Variants in CELSR1 observed in about 807,000 individuals in gnomAD.
CELSR1 encodes cadherin EGF LAG seven-pass G-type receptor 1, also known as adhesion G protein-coupled receptor C1.
In CELSR1, 110 loss-of-function variants were observed where a neutral mutation model predicts 249.1. The ratio of observed to expected loss-of-function variants is 0.44; its 90% CI spans 0.38 to 0.52. The LOEUF (loss-of-function observed/expected upper bound fraction) is 0.52, where lower values mean the gene tolerates loss of function less well. Among genes scored for constraint, CELSR1 ranks in the 20% least tolerant of loss-of-function variants. The pLI is 0.00. For missense variants in CELSR1, 4,109 were observed against 4,296.4 expected (o/e 0.96, Z 1.22); for synonymous variants, 2,113 against 1,900.0 (o/e 1.11, Z -2.92).
chr22:46,409,167 G>A lies in CELSR1; in HGVS notation c.5060-5C>T, dbSNP rs983851779. On this transcript the variant is annotated splice_region_variant and splice_polypyrimidine_tract_variant and intron_variant, in intron 8 of 34. Transcript: ENST00000674500. The surrounding 1 kb of genome is among the most constrained non-coding windows in gnomAD (Gnocchi z 9.8). The stretch of plus-strand genomic sequence containing the variant: ...AGAGCTGGGGGTGAGGCATGGCTGC[G>A]GACACAGGCCCAGGGACCTCAGGTG... 1.4e-5 allele frequency: 22 copies of A among 1,611,866 alleles called. No individual in the cohort carries two copies. Among genetic ancestry groups the A allele is most frequent in the African/African-American group, 6.7e-5 (5 of 74,822 alleles).
At position 46,537,167 on chromosome 22, in the gene CELSR1, C is replaced by A; in HGVS notation, c.4G>T (p.Ala2Ser). Reference sequence around the variant, plus strand: ...GGCAGCACGGGCGGCGGCGGCGGCGCCATGGCCCGGAGCCCGAGCCCGAGC... The same window carrying A: ...GGCAGCACGGGCGGCGGCGGCGGCGACATGGCCCGGAGCCCGAGCCCGAGC... M[A>S]PPPPPVLPVL... Residue 2 changes from alanine to serine, a missense_variant, in exon 1 of 35, where the codon GCG becomes TCG. Around this residue, in one of 7 missense-constraint regions of CELSR1, gnomAD observed 673 missense variants for 636.8 expected, o/e 1.06. Transcript: ENST00000674500. The surrounding 1 kb of genome is among the most constrained non-coding windows in gnomAD (Gnocchi z 5.8). 9.8e-7 allele frequency: 1 copy of A among 1,020,216 alleles called. No homozygotes were observed. The highest frequency in any genetic ancestry group is 1.8e-5 in the African/African-American group (1 of 57,138). 63.2% of individuals were successfully genotyped at this position (1,020,216 alleles called of 1,614,324 possible). A position where few individuals can be genotyped will look rare whatever the true frequency, so the allele number is the denominator to read the frequency against.
chr22:46,481,468 T>A (rs2080265669), intron 1 of CELSR1: 2 of 1,576,548 alleles, frequency 1.3e-6, no homozygotes, highest in Non-Finnish European at 1.7e-6. Context: ...ATCTATTGAA[T>A]CTTTGGCTTT....
At position 46,428,996 on chromosome 22, in the gene CELSR1, G is replaced by T. The variant is rs2079565214; in HGVS notation, c.4611+4397C>A. On this transcript the variant is annotated intron_variant, in intron 5 of 34. Coordinates refer to ENST00000674500, the MANE Select transcript of CELSR1 (RefSeq NM_001378328.1). This position sits in a 1 kb window ranked among gnomAD's most constrained non-coding sequence, Gnocchi z 5.7. ...CAGGGCCCCGTTAAACATCTTGCTG[G>T]CACGTCTGTGTCCCCGACCCTGCCA... 6.6e-6 allele frequency among the ~76,000 whole-genome samples: 1 copy of T among 152,118 alleles called. No individual in the cohort carries two copies. The highest frequency in any genetic ancestry group is 1.5e-5 in the Non-Finnish European group (1 of 68,018).
chr22:46,366,402 G>C lies in CELSR1; in HGVS notation c.8284C>G (p.Leu2762Val). The C allele has an allele frequency of 6.5e-7, 1 of 1,549,500 alleles. No individual in the cohort carries two copies. Among genetic ancestry groups the C allele is most frequent in the Non-Finnish European group, 8.7e-7 (1 of 1,146,372 alleles). The change falls in exon 30 of 35, where the codon CTG (leucine) becomes GTG (valine). Residue 2762 changes from leucine to valine, a missense_variant. Around this residue, in one of 7 missense-constraint regions of CELSR1, gnomAD observed 1,805 missense variants for 1,831.6 expected, o/e 0.99. Transcript: ENST00000674500. ...CGGCCTGACCTGACGATGCTGTCCA[G>C]CGAGGCGGTGGACTCGCCCAAGTCT... is the stretch of plus-strand genomic sequence containing the variant. ...RTDLGESTAS[L>V]DSIVRDEGIQ...
Position 46,436,355 on chromosome 22 carries a change from G to T in CELSR1, c.4407-66C>A. On this transcript the variant is annotated intron_variant, in intron 3 of 34. Transcript: ENST00000674500. This position sits in a 1 kb window ranked among gnomAD's most constrained non-coding sequence, Gnocchi z 5.9. ...CAGGGTCCAAAGGCTGCCTAGGAAT[G>T]ACAAGTCCAGCCGGAGGAGGGCAAG... 8.0e-7 allele frequency: 1 copy of T among 1,245,116 alleles called. No homozygotes were observed. Among genetic ancestry groups the T allele is most frequent in the South Asian group, 1.2e-5 (1 of 80,432 alleles). The allele number at this position is 1,245,116 out of a possible 1,614,324, so 77.1% of individuals were successfully genotyped here.
At chr22:46,372,279 CCCCATCCATCCATCCACTCGCTCCCCA>C (rs1442231955) in intron 25 of CELSR1, among the ~76,000 whole-genome samples, 6 of 147,020 alleles carry the variant, frequency 4.1e-5, no homozygotes, top group South Asian at 2.2e-4. Context: ...CTCACTCAAC[CCCCATCCATCCATCCACTCGCTCCCCA>C]CCCATCCATC....
At chr22:46,394,393 T>C in intron 13 of CELSR1, 131 bp from the exon 14 acceptor site, 1 of 1,063,346 alleles carries the variant, frequency 9.4e-7, no homozygotes, top group Non-Finnish European at 1.3e-6. Flanking sequence ...GAGCTTCCCC[T>C]TCCACGTTAC....
At chr22:46,514,718 G>C (rs193222558) in intron 1 of CELSR1, among the ~76,000 whole-genome samples, 4 of 152,120 alleles carry the variant, frequency 2.6e-5, no homozygotes, top group Non-Finnish European at 2.9e-5. Flanking sequence ...CGAGGCTCAC[G>C]GCTGGGCTCT....
chr22:46,397,600 A>C, intron 12 of CELSR1, 74 bp downstream of exon 12: 1 of 1,331,576 alleles, frequency 7.5e-7, no homozygotes, highest in South Asian at 1.8e-5. Context: ...TAATGTCTAA[A>C]CTGAGCCCCC....
In CELSR1 at chr22:46,411,540, G is replaced by A; in HGVS notation, c.4769+62C>T. 3.1e-6 allele frequency: 5 copies of A among 1,592,762 alleles called. No individual in the cohort carries two copies. Among genetic ancestry groups the A allele is most frequent in the Non-Finnish European group, 4.3e-6 (5 of 1,167,382 alleles). Reference sequence around the variant, plus strand: ...CTACGTGGGGCCCTGCCCTGGGAAGGCCGCAGGGTGAGCATGTTTGGGGGT... The same window carrying A: ...CTACGTGGGGCCCTGCCCTGGGAAGACCGCAGGGTGAGCATGTTTGGGGGT... On this transcript the variant is annotated intron_variant, in intron 6 of 34. Transcript: ENST00000674500. This position sits in a 1 kb window ranked among gnomAD's most constrained non-coding sequence, Gnocchi z 4.2.
rs926287 is a variant in CELSR1, at chr22:46,536,816, G to C, written c.355C>G (p.Arg119Gly). The change falls in exon 1 of 35, where the codon CGG (arginine) becomes GGG (glycine). Residue 119 changes from arginine (R) to glycine (G), a missense_variant. Around this residue, in one of 7 missense-constraint regions of CELSR1, gnomAD observed 673 missense variants for 636.8 expected, o/e 1.06. Transcript: ENST00000674500. The part of the protein sequence containing the change: ...THLPGCGARA[R>G]LCGTGARLCG... ...AGCCGGGCACCGGTTCCGCAGAGCCGGGCACGGGCTCCGCAGCCGGGAAGG... is the reference window on the plus strand; with the variant it reads ...AGCCGGGCACCGGTTCCGCAGAGCCCGGCACGGGCTCCGCAGCCGGGAAGG... 147 of 1,205,414 alleles carry C rather than the reference G, an allele frequency of 1.2e-4. 1 individual carries two copies. In the East Asian group the frequency reaches 3.8e-3, roughly 31 times the overall value. 74.7% of individuals were successfully genotyped at this position (1,205,414 alleles called of 1,614,324 possible).
rs117763407 is a variant in CELSR1, at chr22:46,482,385, C to G, written c.3545-18040G>C. On this transcript the variant is annotated intron_variant, in intron 1 of 34. Transcript: ENST00000674500. ...GAAGGGCCATCAGCCAGAGCAGAAT[C>G]TGTTCTGCCTCCCTGGGTAGCTGGA... Among the ~76,000 whole-genome samples, 162 of 152,300 alleles carry G rather than the reference C, an allele frequency of 1.1e-3. No homozygotes were observed. In the East Asian group the frequency reaches 0.028, roughly 26 times the overall value.
chr22:46,409,244 C>A lies in CELSR1; in HGVS notation c.5060-82G>T. 2 of 1,478,198 alleles carry A rather than the reference C, an allele frequency of 1.4e-6. No individual in the cohort carries two copies. Among genetic ancestry groups the A allele is most frequent in the Non-Finnish European group, 1.9e-6 (2 of 1,078,480 alleles). The allele number at this position is 1,478,198 out of a possible 1,614,324, so 91.6% of individuals were successfully genotyped here. A position where few individuals can be genotyped will look rare whatever the true frequency, so the allele number is the denominator to read the frequency against. On this transcript the variant is annotated intron_variant, in intron 8 of 34. Coordinates refer to ENST00000674500, the MANE Select transcript of CELSR1 (RefSeq NM_001378328.1). This position sits in a 1 kb window ranked among gnomAD's most constrained non-coding sequence, Gnocchi z 9.8. ...TTGGCTGCAGGGGCGGGGGATGGGC[C>A]TGCAGGCTAGGCCTGGGCCTTTTTC...
chr22:46,375,126 C>A (rs1027692553), intron 24 of CELSR1, among the ~76,000 whole-genome samples: 3 of 152,202 alleles, frequency 2.0e-5, no homozygotes, highest in Admixed American at 2.0e-4. Context: ...GGAGGAGCAG[C>A]TCAGGTCTGC....
chr22:46,394,313 T>C, intron 13 of CELSR1, 51 bp from the exon 14 acceptor site: 2 of 1,578,572 alleles, frequency 1.3e-6, no homozygotes, highest in Non-Finnish European at 1.7e-6. Flanking sequence ...CTGTGCTTTC[T>C]GGAATGAGAA....
chr22:46,499,457 AG>A (rs1350111911), intron 1 of CELSR1, among the ~76,000 whole-genome samples: 5 of 152,258 alleles, frequency 3.3e-5, no homozygotes, highest in African/African-American at 1.2e-4. Flanking sequence ...ATAGACGAAC[AG>A]GCTTAGATGC....
At position 46,433,960 on chromosome 22, in the gene CELSR1, G is replaced by T. The variant is rs181078091; in HGVS notation, c.4523-479C>A. 6.6e-6 allele frequency among the ~76,000 whole-genome samples: 1 copy of T among 152,200 alleles called. No individual in the cohort carries two copies. The highest frequency in any genetic ancestry group is 6.5e-5 in the Admixed American group (1 of 15,286). ...GGCCTCCCAAACTGCTGGGATAACG[G>T]GCGTGAGCCACCGCGCCTGGCCTTG... On this transcript the variant is annotated intron_variant, in intron 4 of 34. Transcript: ENST00000674500. The surrounding 1 kb of genome is among the most constrained non-coding windows in gnomAD (Gnocchi z 5.7).
chr22:46,409,268 TC>T lies in CELSR1; in HGVS notation c.5060-107del. 8.3e-7 allele frequency: 1 copy of T among 1,202,464 alleles called. No individual in the cohort carries two copies. The highest frequency in any genetic ancestry group is 1.2e-6 in the Non-Finnish European group (1 of 860,548). The allele number at this position is 1,202,464 out of a possible 1,614,324, so 74.5% of individuals were successfully genotyped here. ...CCTGCAGGCTAGGCCTGGGCCTTTT[TC>T]ACTTTAACACGAAGGTGGGTCTGAG... On this transcript the variant is annotated intron_variant, in intron 8 of 34. Transcript: ENST00000674500. The surrounding 1 kb of genome is among the most constrained non-coding windows in gnomAD (Gnocchi z 9.8).
intron 1 of CELSR1, among the ~76,000 whole-genome samples, chr22:46,483,740 T>C (rs1017802077): frequency 6.6e-6 from 1 of 152,144 alleles, no homozygotes; most frequent in African/African-American, 2.4e-5. Flanking sequence ...TCAGGAACTG[T>C]GCCCAGGACA....
Sources: allele counts gnomAD v4.1 joint callset (sites outside exome capture counted in the v4.1 genomes callset), GRCh38; gene constraint gnomAD v4.1.1; regional missense constraint gnomAD v4.1.1; non-coding constraint Gnocchi (gnomAD v3.1); transcripts MANE v1.5; gene names NCBI Gene and HGNC (gene_info 2026-07-23, HGNC 2026-07-21).